Variants in MAGI2 observed in about 807,000 individuals in gnomAD.
MAGI2 encodes the protein membrane associated guanylate kinase, WW and PDZ domain containing 2, also known as membrane-associated guanylate kinase, WW and PDZ domain-containing protein 2.
Under a neutral mutation model 133.3 loss-of-function variants are expected in MAGI2, and 35 were observed. The observed-to-expected ratio is 0.26, with a 90% CI of 0.20 to 0.35. The LOEUF is 0.35. MAGI2 is among the 10% of genes least tolerant of loss of function. MAGI2 has a pLI of 1.00. For synonymous variants in MAGI2, 729 were observed against 710.6 expected (o/e 1.03, Z -0.41); for missense variants, 1,636 against 1,863.4 (o/e 0.88, Z 2.25).
At chr7:78,592,247 C>A (rs1804083523) in intron 3 of MAGI2, among the ~76,000 whole-genome samples, 1 of 152,076 alleles carries the variant, frequency 6.6e-6, no homozygotes, top group Admixed American at 6.5e-5. Flanking sequence ...AAAGTATTCT[C>A]TATATAGGTA....
intron 6 of MAGI2, among the ~76,000 whole-genome samples, chr7:78,396,266 G>C (rs1796336833): frequency 1.3e-5 from 2 of 152,008 alleles, no homozygotes. Flanking sequence ...TGTGATTCAG[G>C]AAAAAAATCC....
intron 2 of MAGI2, among the ~76,000 whole-genome samples, chr7:78,767,990 T>A (rs1406872882): frequency 6.6e-6 from 1 of 152,214 alleles, no homozygotes; most frequent in Non-Finnish European, 1.5e-5. Context: ...CTTGATGGTT[T>A]CTGAGCTGTG....
chr7:79,198,612 G>A (rs560425848), intron 1 of MAGI2, among the ~76,000 whole-genome samples: 7 of 152,052 alleles, frequency 4.6e-5, no homozygotes, highest in South Asian at 2.1e-4. Flanking sequence ...GAGGTAGGCC[G>A]GGCGCAGTGG....
chr7:78,068,434 C>G (rs935750137), intron 21 of MAGI2, among the ~76,000 whole-genome samples: 4 of 152,024 alleles, frequency 2.6e-5, no homozygotes, highest in South Asian at 2.1e-4. Context: ...ACTGTGGACT[C>G]TGAGTGATAA....
chr7:79,082,794 G>A (rs1362721971), intron 1 of MAGI2, among the ~76,000 whole-genome samples: 2 of 151,812 alleles, frequency 1.3e-5, no homozygotes, highest in African/African-American at 2.4e-5. Flanking sequence ...TCCCTTGGGG[G>A]TTGGGGGGTA....
At chr7:78,596,980 T>C (rs1410374400) in intron 3 of MAGI2, among the ~76,000 whole-genome samples, 2 of 152,100 alleles carry the variant, frequency 1.3e-5, no homozygotes, top group Non-Finnish European at 2.9e-5. Flanking sequence ...TGAATACAGG[T>C]GTGTTGCACA....
At chr7:79,390,380 A>G (rs1563179317) in intron 1 of MAGI2, among the ~76,000 whole-genome samples, 2 of 152,240 alleles carry the variant, frequency 1.3e-5, no homozygotes, top group Non-Finnish European at 2.9e-5. Flanking sequence ...AATTTTATAG[A>G]CAAAATAACC....
chr7:79,395,981 T>A (rs1482363805), intron 1 of MAGI2, among the ~76,000 whole-genome samples: 2 of 152,162 alleles, frequency 1.3e-5, no homozygotes, highest in Non-Finnish European at 2.9e-5. Context: ...TTGATTTTTT[T>A]AAATTAAAAT....
intron 6 of MAGI2, among the ~76,000 whole-genome samples, chr7:78,420,669 C>T (rs1353150273): frequency 6.6e-6 from 1 of 151,936 alleles, no homozygotes; most frequent in Non-Finnish European, 1.5e-5. Context: ...GACAGAGGGA[C>T]ATTGATTTCC....
intron 20 of MAGI2, among the ~76,000 whole-genome samples, chr7:78,113,894 T>A (rs1207101877): frequency 6.6e-6 from 1 of 152,168 alleles, no homozygotes; most frequent in Non-Finnish European, 1.5e-5. Flanking sequence ...ATTGATTAGA[T>A]CAGTAAAATT....
chr7:78,657,135 C>A (rs1409139318), intron 2 of MAGI2, among the ~76,000 whole-genome samples: 1 of 152,094 alleles, frequency 6.6e-6, no homozygotes, highest in Non-Finnish European at 1.5e-5. Flanking sequence ...TGAGATACTA[C>A]TACATGTCTA....
intron 1 of MAGI2, among the ~76,000 whole-genome samples, chr7:79,390,961 A>G (rs777217899): frequency 1.3e-5 from 2 of 152,182 alleles, no homozygotes; most frequent in Non-Finnish European, 2.9e-5. Flanking sequence ...AAACAGCCCA[A>G]TTCATAGTAT....
In MAGI2 at chr7:78,135,029, G is replaced by A. The variant is rs1411461622; in HGVS notation, c.3023C>T (p.Pro1008Leu). The A allele has an allele frequency of 1.2e-6, 2 of 1,613,828 alleles. No individual in the cohort carries two copies. Among genetic ancestry groups the A allele is most frequent in the African/African-American group, 2.7e-5 (2 of 74,928 alleles). ...CTGCCTCAGGCACTCACCCTCCTGAGGAATGATGCGAAGGGTGACACTAAG... is the reference window on the plus strand; with the variant it reads ...CTGCCTCAGGCACTCACCCTCCTGAAGAATGATGCGAAGGGTGACACTAAG... ...AGLSVTLRII[P>L]QEELNSPTSA... Residue 1008 changes from proline to leucine, a missense_variant, in exon 17 of 22, where the codon CCT becomes CTT. Coordinates refer to ENST00000354212, the MANE Select transcript of MAGI2 (RefSeq NM_012301.4).
intron 1 of MAGI2, among the ~76,000 whole-genome samples, chr7:79,193,148 T>A (rs930862951): frequency 2.6e-5 from 4 of 151,930 alleles, no homozygotes; most frequent in Non-Finnish European, 5.9e-5. Context: ...ACACTTTCCA[T>A]AAGGACCAGA....
chr7:78,323,508 G>C (rs1788223842), intron 9 of MAGI2, among the ~76,000 whole-genome samples: 1 of 152,120 alleles, frequency 6.6e-6, no homozygotes, highest in Admixed American at 6.5e-5. Flanking sequence ...GCTCTTACCT[G>C]GGGGAGATAG....
intron 10 of MAGI2, among the ~76,000 whole-genome samples, chr7:78,207,782 C>T (rs1194596231): frequency 6.6e-6 from 1 of 152,198 alleles, no homozygotes; most frequent in Admixed American, 6.5e-5. Context: ...TCAAACATCA[C>T]ATCACCATGT....
At chr7:78,158,357 T>C (rs1824602710) in intron 16 of MAGI2, 1 of 151,950 alleles carries the variant, frequency 6.6e-6, no homozygotes, top group African/African-American at 2.4e-5. Context: ...AAGACTGTGG[T>C]AGAAAAGGAA....
intron 2 of MAGI2, among the ~76,000 whole-genome samples, chr7:78,837,307 C>G (rs368795613): frequency 7.2e-5 from 11 of 152,254 alleles, no homozygotes; most frequent in African/African-American, 1.9e-4. Context: ...TTAAGCCTAT[C>G]CTACTCTAGC....
intron 1 of MAGI2, among the ~76,000 whole-genome samples, chr7:79,116,824 A>G (rs1819453867): frequency 2.0e-5 from 3 of 152,108 alleles, no homozygotes; most frequent in African/African-American, 4.8e-5. Context: ...CTGTCACCAT[A>G]TGATACACTG....
Sources: gnomAD v4.1 joint callset for allele counts (sites outside exome capture counted in the v4.1 genomes callset) on GRCh38, gnomAD v4.1.1 for gene constraint, MANE v1.5 for transcripts, NCBI Gene and HGNC (gene_info 2026-07-23, HGNC 2026-07-21) for gene names.